GUF1: variants seen among roughly 807,000 people sequenced by gnomAD.
GUF1 encodes the protein translation factor GUF1, mitochondrial.
Under a neutral mutation model 82.4 loss-of-function variants are expected in GUF1, and 78 were observed. That is an observed-to-expected ratio of 0.95 (90% confidence interval 0.79 to 1.14). The LOEUF is 1.14. Among genes scored for constraint, GUF1 ranks in the 50% most tolerant of loss-of-function variants. GUF1 has a pLI of 0.00. For synonymous variants in GUF1, 279 were observed against 282.3 expected (o/e 0.99, Z 0.12); for missense variants, 814 against 798.2 (o/e 1.02, Z -0.24).
intron 14 of GUF1, among the ~76,000 whole-genome samples, chr4:44,694,967 C>T (rs897058863): frequency 5.3e-5 from 8 of 151,928 alleles, no homozygotes; most frequent in East Asian, 1.9e-4. Flanking sequence ...CTACCATGCC[C>T]GGCTAATTTT....
At chr4:44,691,396 AT>A (rs1715433023) in intron 12 of GUF1, among the ~76,000 whole-genome samples, 1 of 151,794 alleles carries the variant, frequency 6.6e-6, no homozygotes, top group East Asian at 1.9e-4. Flanking sequence ...GGACCTAATT[AT>A]TTGTAAAACA....
intron 8 of GUF1, among the ~76,000 whole-genome samples, chr4:44,687,785 G>C (rs917218439): frequency 6.6e-6 from 1 of 151,824 alleles, no homozygotes; most frequent in Non-Finnish European, 1.5e-5. Context: ...CATGAAAAAG[G>C]CATTAGGTTT....
chr4:44,681,019 G>A (rs934033391), intron 3 of GUF1, 104 bp from the exon 4 acceptor site: 30 of 1,183,410 alleles, frequency 2.5e-5, no homozygotes, highest in Middle Eastern at 2.0e-4. Flanking sequence ...AAAAAGAAAC[G>A]AATATTTAAC....
At chr4:44,688,596 T>G (rs1715217649) in intron 9 of GUF1, among the ~76,000 whole-genome samples, 1 of 151,882 alleles carries the variant, frequency 6.6e-6, no homozygotes, top group African/African-American at 2.4e-5. Flanking sequence ...TTTCAGAATC[T>G]TTTACTTCAT....
chr4:44,680,341 T>G (rs948745934), intron 1 of GUF1, 100 bp from the exon 2 acceptor site: 1 of 584,464 alleles, frequency 1.7e-6, no homozygotes, highest in Non-Finnish European at 3.0e-6. Flanking sequence ...ATGCTAGAAA[T>G]GATATTGTTC....
Position 44,697,409 on chromosome 4 carries a change from G to GT in GUF1, c.1838dup (p.Lys614GlufsTer4). ...TAAACGAATTTTTCTCTTTTACAGT[G>GT]TGAAAGCCTATAGGAAAAACGTTTT... On this transcript the variant is annotated frameshift_variant and splice_region_variant, in exon 16 of 17. Transcript: ENST00000281543. LOFTEE classifies it high-confidence loss of function. The GT allele has an allele frequency of 1.3e-6, 2 of 1,559,060 alleles. No homozygotes were observed. The highest frequency in any genetic ancestry group is 1.8e-6 in the Non-Finnish European group (2 of 1,141,136).
Position 44,697,450 on chromosome 4 carries a change from TATCTAG to T in GUF1, c.1872+7_1872+12del. On this transcript the variant is annotated splice_region_variant and intron_variant, in intron 16 of 16. Coordinates refer to ENST00000281543, the MANE Select transcript of GUF1 (RefSeq NM_021927.3). ...AAAACGTTTTGGCAAAATGTGTATG[TATCTAG>T]TTGTATTTATTCTACTTTATAACTT... 6.7e-7 allele frequency: 1 copy of T among 1,485,412 alleles called. No individual in the cohort carries two copies. Among genetic ancestry groups the T allele is most frequent in the Non-Finnish European group, 9.3e-7 (1 of 1,076,610 alleles). 92.0% of individuals were successfully genotyped at this position (1,485,412 alleles called of 1,614,324 possible).
rs768741392 is a variant in GUF1, at chr4:44,685,949, A to G, written c.670-10A>G. ...TTAAATGCTTATATTTTTCACATGT[A>G]TCTTTTTAGATTTCTGCTAAACTTG... On this transcript the variant is annotated splice_polypyrimidine_tract_variant and intron_variant, in intron 6 of 16. Coordinates refer to ENST00000281543, the MANE Select transcript of GUF1 (RefSeq NM_021927.3). The G allele has an allele frequency of 2.3e-5, 36 of 1,575,654 alleles. No homozygotes were observed. The highest frequency in any genetic ancestry group is 3.3e-5 in the Admixed American group (2 of 59,712).
intron 9 of GUF1, among the ~76,000 whole-genome samples, chr4:44,688,541 A>C (rs1715214024): frequency 1.3e-5 from 2 of 151,926 alleles, no homozygotes; most frequent in Admixed American, 1.3e-4. Context: ...ATTGTACTGT[A>C]CTAATGTAGA....
chr4:44,689,286 G>A lies in GUF1; in HGVS notation c.1079G>A (p.Gly360Glu). 1 of 1,584,296 alleles carries A rather than the reference G, an allele frequency of 6.3e-7. No homozygotes were observed. Among genetic ancestry groups the A allele is most frequent in the Non-Finnish European group, 8.6e-7 (1 of 1,164,520 alleles). ...FKSAKPMVFAGMYPLDQSEYN... is the reference protein window; with the variant it reads ...FKSAKPMVFAEMYPLDQSEYN... ...TAATTAGAAATCATTGTATCCCCAG[G>A]AATGTATCCTCTAGACCAATCTGAA... is the stretch of plus-strand genomic sequence containing the variant. The change falls in exon 10 of 17, where the codon GGA (glycine) becomes GAA (glutamate). Residue 360 changes from glycine to glutamate, a missense_variant and splice_region_variant. Transcript: ENST00000281543.
chr4:44,690,099 CAAAA>C (rs1401556299), intron 11 of GUF1, 124 bp downstream of exon 11: 49 of 578,366 alleles, frequency 8.5e-5, no homozygotes, highest in Non-Finnish European at 1.2e-4. Flanking sequence ...AAGTATTAAA[CAAAA>C]TATTTATTGA....
chr4:44,686,120 T>C (rs1715035550), intron 7 of GUF1, 97 bp downstream of exon 7: 1 of 838,198 alleles, frequency 1.2e-6, no homozygotes. Context: ...TGAACTGTTA[T>C]TTTAGCTTAA....
intron 1 of GUF1, 93 bp downstream of exon 1, chr4:44,678,880 C>T: frequency 2.3e-6 from 3 of 1,281,532 alleles, no homozygotes; most frequent in South Asian, 3.2e-5. Context: ...CTGGGACTAG[C>T]TCTGAACCCT....
rs755218219 is a variant in GUF1, at chr4:44,691,750, G to T, written c.1564G>T (p.Val522Leu). The change falls in exon 13 of 17, where the codon GTG (valine) becomes TTG (leucine). Residue 522 changes from valine to leucine, a missense_variant. Coordinates refer to ENST00000281543, the MANE Select transcript of GUF1 (RefSeq NM_021927.3). The part of the protein sequence containing the change: ...LKYLFPLNEI[V>L]VDFYDSLKSL... Reference sequence around the variant, plus strand: ...ATATCTCTTTCCTTTGAATGAAATTGTGGTAGATTTTTATGACTCTTTGAA... The same window carrying T: ...ATATCTCTTTCCTTTGAATGAAATTTTGGTAGATTTTTATGACTCTTTGAA... The T allele has an allele frequency of 8.2e-6, 13 of 1,590,344 alleles. No homozygotes were observed. Among genetic ancestry groups the T allele is most frequent in the African/African-American group, 2.7e-5 (2 of 73,940 alleles).
Position 44,686,020 on chromosome 4 carries a change from C to T in GUF1, c.731C>T (p.Pro244Leu), listed in dbSNP as rs567120222. ...SVLQAIIERI[P>L]PPKVHRKNPL... The stretch of plus-strand genomic sequence containing the variant: ...CTTCAGGCAATTATTGAAAGAATCC[C>T]CCCGTGAGTATTTGGTGATTTTTGT... The change falls in exon 7 of 17, where the codon CCC becomes CTC. Residue 244 changes from proline (P) to leucine (L), a missense_variant. Coordinates refer to ENST00000281543, the MANE Select transcript of GUF1 (RefSeq NM_021927.3). 3 of 1,598,414 alleles carry T rather than the reference C, an allele frequency of 1.9e-6. No individual in the cohort carries two copies. Among genetic ancestry groups the T allele is most frequent in the East Asian group, 2.2e-5 (1 of 44,628 alleles).
chr4:44,678,645 G>A lies in GUF1; in HGVS notation c.23G>A (p.Gly8Asp). Reference sequence around the variant, plus strand: ...GTCATGTGGACCCTCGTGGGTCGGGGCTGGGGGTGCGCACGCGCTCTCGCG... The same window carrying A: ...GTCATGTGGACCCTCGTGGGTCGGGACTGGGGGTGCGCACGCGCTCTCGCG... Reference protein sequence around the residue: MWTLVGRGWGCARALAPR... With the variant: MWTLVGRDWGCARALAPR... Residue 8 changes from glycine (G) to aspartate (D), a missense_variant, in exon 1 of 17, where the codon GGC becomes GAC. Gly to Asp is a moderately conservative substitution (Grantham distance 94, BLOSUM62 -1). Coordinates refer to ENST00000281543, the MANE Select transcript of GUF1 (RefSeq NM_021927.3). 3 of 1,482,370 alleles carry A rather than the reference G, an allele frequency of 2.0e-6. No individual in the cohort carries two copies. The highest frequency in any genetic ancestry group is 1.8e-6 in the Non-Finnish European group (2 of 1,130,336). The allele number at this position is 1,482,370 out of a possible 1,614,324, so 91.8% of individuals were successfully genotyped here.
intron 2 of GUF1, 47 bp from the exon 3 acceptor site, chr4:44,680,644 CTTT>C (rs754058609): frequency 8.1e-7 from 1 of 1,238,474 alleles, no homozygotes. Context: ...GTAATATTCT[CTTT>C]TTTTTTTAAA....
chr4:44,687,051 G>C (rs145033851), intron 8 of GUF1, among the ~76,000 whole-genome samples: 1 of 151,832 alleles, frequency 6.6e-6, no homozygotes, highest in East Asian at 1.9e-4. Flanking sequence ...TTCATAACTA[G>C]ATTTTCCAAT....
chr4:44,678,795 C>T lies in GUF1; in HGVS notation c.165+8C>T, dbSNP rs766476151. The T allele has an allele frequency of 7.1e-6, 11 of 1,548,374 alleles. No homozygotes were observed. Among genetic ancestry groups the T allele is most frequent in the East Asian group, 2.6e-5 (1 of 38,848 alleles). ...AGCTCCGCAGAATTCAAGGTGACTG[C>T]CCCCTGGAATCTGATTTAGCCAAGT... On this transcript the variant is annotated splice_region_variant and intron_variant, in intron 1 of 16. Transcript: ENST00000281543.
Sources: gnomAD v4.1 joint callset for allele counts (sites outside exome capture counted in the v4.1 genomes callset) on GRCh38, gnomAD v4.1.1 for gene constraint, MANE v1.5 for transcripts, NCBI Gene and HGNC (gene_info 2026-07-23, HGNC 2026-07-21) for gene names.